FGD1: variants seen among roughly 807,000 people sequenced by gnomAD.
FGD1 encodes FYVE, RhoGEF and PH domain containing 1.
FGD1 carries 12 observed loss-of-function variants against 65.0 expected under a neutral mutation model. The observed-to-expected ratio is 0.18, with a 90% CI of 0.12 to 0.30. FGD1 has a LOEUF of 0.30. Among genes scored for constraint, FGD1 ranks in the 10% least tolerant of loss-of-function variants. The pLI is 1.00. For synonymous variants in FGD1, 333 were observed against 343.9 expected (o/e 0.97, Z 0.35); for missense variants, 542 against 837.6 (o/e 0.65, Z 4.36).
intron 1 of FGD1, among the ~76,000 whole-genome samples, chrX:54,480,407 C>A (rs1263794309): frequency 9.0e-6 from 1 of 111,038 alleles, no homozygotes; most frequent in East Asian, 2.8e-4. Flanking sequence ...AAGTGAGGCC[C>A]CTTCTGTAAA....
intron 1 of FGD1, 69 bp downstream of exon 1, chrX:54,495,057 G>C: frequency 9.0e-7 from 1 of 1,109,579 alleles, no homozygotes; most frequent in Non-Finnish European, 1.2e-6. Flanking sequence ...GAGGGCTCGA[G>C]AACAAGAACC....
At chrX:54,467,312 G>A (rs1014961942) in intron 6 of FGD1, among the ~76,000 whole-genome samples, 5 of 109,748 alleles carry the variant, frequency 4.6e-5, no homozygotes, top group African/African-American at 1.3e-4. Context: ...CATCAGACTG[G>A]GAGGTCCTCG....
chrX:54,473,615 C>T (rs1365414332), intron 1 of FGD1, among the ~76,000 whole-genome samples: 1 of 112,024 alleles, frequency 8.9e-6, no homozygotes, highest in East Asian at 2.8e-4. Context: ...TAAATAAAAC[C>T]CAGTACAGTA....
chrX:54,482,242 A>G (rs372142286), intron 1 of FGD1, among the ~76,000 whole-genome samples: 276 of 110,954 alleles, frequency 2.5e-3, no homozygotes, highest in African/African-American at 8.7e-3. Context: ...GCGCGCACAC[A>G]CACACACACA....
chrX:54,447,422 G>A lies in FGD1; in HGVS notation c.2469C>T (p.Val823=). 1 of 1,210,763 alleles carries A rather than the reference G, an allele frequency of 8.3e-7. No homozygotes were observed. The highest frequency in any genetic ancestry group is 1.1e-6 in the Non-Finnish European group (1 of 894,606). Residue 823 remains valine (V), a synonymous_variant, in exon 17 of 18, where the codon GTC becomes GTT. Transcript: ENST00000375135. The part of the protein sequence containing the change: ...KQASVAAENS[V]ICSFLHYMEK... ...CCATGTAGTGCAGGAAGCTGCAGATGACGCTGTTCTCTGCAGCCACTGAGG... is the reference window on the plus strand; with the variant it reads ...CCATGTAGTGCAGGAAGCTGCAGATAACGCTGTTCTCTGCAGCCACTGAGG...
chrX:54,495,164 C>A lies in FGD1; in HGVS notation c.269G>T (p.Arg90Leu). The A allele has an allele frequency of 8.4e-7, 1 of 1,187,084 alleles. No individual in the cohort carries two copies. Among genetic ancestry groups the A allele is most frequent in the Non-Finnish European group, 1.1e-6 (1 of 884,004 alleles). ...CGAGCCCTCCAGGTGGTAAGAGAAG[C>A]GCAGGGCCCGGTGGTGCTGTGGACT... ...GPSPQHHRAL[R>L]FSYHLEGSQP... Residue 90 changes from arginine to leucine, a missense_variant, in exon 1 of 18, where the codon CGC (arginine) becomes CTC (leucine). Coordinates refer to ENST00000375135, the MANE Select transcript of FGD1 (RefSeq NM_004463.3).
In FGD1 at chrX:54,468,936, C is replaced by T. The variant is rs774825715; in HGVS notation, c.1102-60G>A. On this transcript the variant is annotated intron_variant, in intron 4 of 17. Transcript: ENST00000375135. ...TCCTCTATCGTAACCCTCACCCAAGCCCCCAGAATTCTTAAAACAGTTCCC... is the reference window on the plus strand; with the variant it reads ...TCCTCTATCGTAACCCTCACCCAAGTCCCCAGAATTCTTAAAACAGTTCCC... 14 of 881,121 alleles carry T rather than the reference C, an allele frequency of 1.6e-5. No homozygotes were observed. In the South Asian group the frequency reaches 2.9e-4, roughly 18 times the overall value. The allele number at this position is 881,121 out of a possible 1,213,427, so 72.6% of individuals were successfully genotyped here.
chrX:54,475,632 A>G (rs1476849133), intron 1 of FGD1, among the ~76,000 whole-genome samples: 2 of 111,078 alleles, frequency 1.8e-5, no homozygotes, highest in African/African-American at 6.6e-5. Flanking sequence ...CCTGTCTCCT[A>G]TTTTCCCTCA....
chrX:54,461,600 CAAAAAAAA>C (rs1165040158), intron 8 of FGD1, among the ~76,000 whole-genome samples: 4 of 18,057 alleles, frequency 2.2e-4, no homozygotes, highest in Admixed American at 9.0e-4. Context: ...GACTCTGTCT[CAAAAAAAA>C]AAAAAAAAAA....
intron 4 of FGD1, 58 bp from the exon 5 acceptor site, chrX:54,468,934 A>C: frequency 1.1e-6 from 1 of 894,504 alleles, no homozygotes; most frequent in Non-Finnish European, 1.6e-6. Flanking sequence ...CCCTCACCCA[A>C]GCCCCCAGAA....
At chrX:54,464,934 A>G (rs1370984787) in intron 8 of FGD1, among the ~76,000 whole-genome samples, 1 of 108,903 alleles carries the variant, frequency 9.2e-6, no homozygotes, top group Non-Finnish European at 1.9e-5. Context: ...TCAGCTGTGG[A>G]GATTCTGTGA....
chrX:54,482,721 AAC>A (rs1040487948), intron 1 of FGD1, among the ~76,000 whole-genome samples: 1 of 111,648 alleles, frequency 9.0e-6, no homozygotes, highest in African/African-American at 3.3e-5. Context: ...CACTGGGACA[AAC>A]ACAAGGAGGG....
chrX:54,482,974 A>G (rs1049022687), intron 1 of FGD1, among the ~76,000 whole-genome samples: 1 of 111,804 alleles, frequency 8.9e-6, no homozygotes, highest in African/African-American at 3.3e-5. Context: ...GAATCCTTAC[A>G]ACAACCCTAG....
At chrX:54,475,854 G>A (rs1235664844) in intron 1 of FGD1, among the ~76,000 whole-genome samples, 1 of 111,990 alleles carries the variant, frequency 8.9e-6, no homozygotes, top group Non-Finnish European at 1.9e-5. Context: ...ATCACCTGAG[G>A]TTGGGAGTTC....
intron 1 of FGD1, among the ~76,000 whole-genome samples, chrX:54,485,894 T>C (rs1304418606): frequency 2.2e-4 from 21 of 95,205 alleles, no homozygotes; most frequent in Middle Eastern, 7.0e-3. Context: ...CCTGCCTCAG[T>C]CTCCCGAGTA....
intron 1 of FGD1, 145 bp downstream of exon 1, chrX:54,494,981 G>A: frequency 1.8e-6 from 1 of 557,278 alleles, no homozygotes; most frequent in Non-Finnish European, 3.0e-6. Flanking sequence ...GGGACGTGGG[G>A]AGGAGGAGGG....
Position 54,494,420 on chromosome X carries a change from TTTTTTTTC to T in FGD1, c.307+698_307+705del, listed in dbSNP as rs1274742961. Among the ~76,000 whole-genome samples, 28 of 98,684 alleles carry T rather than the reference TTTTTTTTC, an allele frequency of 2.8e-4. 1 individual carries two copies. The highest frequency in any genetic ancestry group is 1.0e-3 in the African/African-American group (28 of 26,689). 85.7% of individuals were successfully genotyped at this position (98,684 alleles called of 115,157 possible). ...CGTCTTTCTTTTTTTTTTTTTTTTTTTTTTTTTCCGCTCATACTCCAGGGCTGCTGAAT... is the reference window on the plus strand; with the variant it reads ...CGTCTTTCTTTTTTTTTTTTTTTTTTCGCTCATACTCCAGGGCTGCTGAAT... On this transcript the variant is annotated intron_variant, in intron 1 of 17. Coordinates refer to ENST00000375135, the MANE Select transcript of FGD1 (RefSeq NM_004463.3).
chrX:54,449,593 G>T, intron 14 of FGD1, 66 bp downstream of exon 14: 1 of 743,055 alleles, frequency 1.3e-6, no homozygotes, highest in Non-Finnish European at 2.1e-6. Context: ...TCATCTAAAG[G>T]TCAGGTGGGC....
intron 1 of FGD1, among the ~76,000 whole-genome samples, chrX:54,485,864 T>A (rs1357814886): frequency 9.2e-6 from 1 of 108,669 alleles, no homozygotes; most frequent in Non-Finnish European, 1.9e-5. Flanking sequence ...AACTTCCACC[T>A]CCTGGGTTCA....
Sources: allele counts gnomAD v4.1 joint callset (sites outside exome capture counted in the v4.1 genomes callset), GRCh38; gene constraint gnomAD v4.1.1; transcripts MANE v1.5; gene names NCBI Gene and HGNC (gene_info 2026-07-23, HGNC 2026-07-21).